Variants in INSR observed in about 807,000 individuals in gnomAD.
The protein encoded by INSR is IR.
Under a neutral mutation model 142.6 loss-of-function variants are expected in INSR, and 67 were observed. The ratio of observed to expected loss-of-function variants is 0.47; its 90% CI spans 0.39 to 0.58. The LOEUF is 0.58. Among genes scored for constraint, INSR ranks in the 20% least tolerant of loss-of-function variants. The pLI is 0.00. For missense variants in INSR, 1,248 were observed against 1,833.2 expected, an observed-to-expected ratio of 0.68 and a Z score of 5.83; for synonymous variants, 756 against 743.1, an observed-to-expected ratio of 1.02 and a Z score of -0.28.
At chr19:7,256,931 C>CTTTTTT (rs772500676) in intron 2 of INSR, among the ~76,000 whole-genome samples, 26 of 109,476 alleles carry the variant, frequency 2.4e-4, no homozygotes, top group Non-Finnish European at 3.2e-4. Context: ...TCTACCCTAC[C>CTTTTTT]TTTTTTTTTT....
intron 2 of INSR, among the ~76,000 whole-genome samples, chr19:7,244,997 A>G (rs1293802373): frequency 7.2e-6 from 1 of 139,774 alleles, no homozygotes; most frequent in African/African-American, 2.7e-5. Flanking sequence ...GTGCAGTGGC[A>G]TGATCTCGGC....
At chr19:7,237,474 G>A (rs1976196743) in intron 2 of INSR, among the ~76,000 whole-genome samples, 1 of 151,846 alleles carries the variant, frequency 6.6e-6, no homozygotes, top group African/African-American at 2.4e-5. Flanking sequence ...CAGAGACCAT[G>A]CCACTGCACT....
At chr19:7,242,043 T>C (rs1193236665) in intron 2 of INSR, among the ~76,000 whole-genome samples, 2 of 151,710 alleles carry the variant, frequency 1.3e-5, no homozygotes, top group Non-Finnish European at 2.9e-5. Context: ...TCCCAGCTGC[T>C]TAGGAGGCTG....
intron 11 of INSR, among the ~76,000 whole-genome samples, chr19:7,144,947 T>C (rs1973154579): frequency 6.6e-6 from 1 of 150,492 alleles, no homozygotes. Context: ...CCTTAATAGT[T>C]TTTTTTTTTC....
At chr19:7,137,450 G>A (rs1205113188) in intron 13 of INSR, among the ~76,000 whole-genome samples, 1 of 151,612 alleles carries the variant, frequency 6.6e-6, no homozygotes, top group Non-Finnish European at 1.5e-5. Flanking sequence ...ACCACCGGTG[G>A]ACAACCAGGG....
At chr19:7,122,812 G>A in intron 18 of INSR, 39 bp from the exon 19 acceptor site, 1 of 1,613,882 alleles carries the variant, frequency 6.2e-7, no homozygotes, top group Admixed American at 1.7e-5. Flanking sequence ...CAGCAGCACT[G>A]GGATCCGAGG....
At chr19:7,236,750 G>A (rs540376960) in intron 2 of INSR, among the ~76,000 whole-genome samples, 4 of 152,280 alleles carry the variant, frequency 2.6e-5, no homozygotes, top group African/African-American at 7.2e-5. Flanking sequence ...TACAAGGCCC[G>A]GCACGGTGGC....
At chr19:7,196,754 A>T (rs1215492204) in intron 2 of INSR, among the ~76,000 whole-genome samples, 1 of 152,194 alleles carries the variant, frequency 6.6e-6, no homozygotes, top group Admixed American at 6.6e-5. Context: ...AAACTTAAAA[A>T]AAAAAAGTTT....
At chr19:7,195,169 A>C (rs1376669196) in intron 2 of INSR, among the ~76,000 whole-genome samples, 1 of 152,214 alleles carries the variant, frequency 6.6e-6, no homozygotes. Context: ...ATTTCTTCTT[A>C]AAAATTCTAG....
intron 2 of INSR, among the ~76,000 whole-genome samples, chr19:7,253,560 G>C (rs1479165595): frequency 6.6e-6 from 1 of 152,094 alleles, no homozygotes; most frequent in Non-Finnish European, 1.5e-5. Flanking sequence ...ATCATGCTAA[G>C]TCCAGTGTGT....
At chr19:7,197,516 G>GTGGGTGTGTGTGTGTGTGTGTGT (rs1568480264) in intron 2 of INSR, among the ~76,000 whole-genome samples, 1 of 70,856 alleles carries the variant, frequency 1.4e-5, no homozygotes, top group Admixed American at 1.5e-4. Flanking sequence ...TGGGAGTGGG[G>GTGGGTGTGTGTGTGTGTGTGTGT]GTGTGTGTGT....
At chr19:7,181,165 C>T (rs564328364) in intron 3 of INSR, among the ~76,000 whole-genome samples, 34 of 152,168 alleles carry the variant, frequency 2.2e-4, no homozygotes, top group African/African-American at 7.2e-4. Context: ...AGGCTGGTCT[C>T]GAACTCCTGA....
chr19:7,189,138 A>ATCCAGGACCCACGGAGT (rs1974510357), intron 2 of INSR, among the ~76,000 whole-genome samples: 1 of 151,542 alleles, frequency 6.6e-6, no homozygotes, highest in African/African-American at 2.4e-5. Flanking sequence ...GACAACAATG[A>ATCCAGGACCCACGGAGT]TCCAGGACCC....
In INSR at chr19:7,155,362, C is replaced by T. The variant is rs138031509; in HGVS notation, c.2030-2435G>A. Among the ~76,000 whole-genome samples, 10 of 151,942 alleles carry T rather than the reference C, an allele frequency of 6.6e-5. 1 individual carries two copies. Among genetic ancestry groups the T allele is most frequent in the Non-Finnish European group, 1.0e-4 (7 of 67,964 alleles). ...CCAGCCTGGCCAACATATAGTGAAACGCTGTCTCTACTAAAAAATCCAAAA... is the reference window on the plus strand; with the variant it reads ...CCAGCCTGGCCAACATATAGTGAAATGCTGTCTCTACTAAAAAATCCAAAA... On this transcript the variant is annotated intron_variant, in intron 9 of 21. Coordinates refer to ENST00000302850, the MANE Select transcript of INSR (RefSeq NM_000208.4).
chr19:7,240,787 G>A (rs139995531), intron 2 of INSR, among the ~76,000 whole-genome samples: 38 of 152,174 alleles, frequency 2.5e-4, no homozygotes, highest in African/African-American at 7.9e-4. Context: ...CTTGTTTCCC[G>A]CACAATATTA....
Position 7,128,812 on chromosome 19 carries a change from C to T in INSR, c.2945+40G>A, listed in dbSNP as rs41339753. The T allele has an allele frequency of 1.8e-3, 2,519 of 1,402,344 alleles. 38 individuals are homozygous for T. In the African/African-American group the frequency reaches 0.028, roughly 16 times the overall value. The allele number at this position is 1,402,344 out of a possible 1,614,324, so 86.9% of individuals were successfully genotyped here. A position where few individuals can be genotyped will look rare whatever the true frequency, so the allele number is the denominator to read the frequency against. ...TCAAGGCATGTTTTCCCCCAGAGAA[C>T]CAACTGTTCCCAGCACACCACTGAA... On this transcript the variant is annotated intron_variant, in intron 15 of 21. Transcript: ENST00000302850.
rs1213149302 is a variant in INSR at position 7,116,990 on chromosome 19, G to C, written c.*66C>G. On this transcript the variant is annotated 3_prime_UTR_variant, in exon 22 of 22. Transcript: ENST00000302850. Reference sequence around the variant, plus strand: ...AGTCGTGAGAATCCTGAGTTTTCCAGAGGCTTTCAAACCAGAGGAAAGCGA... The same window carrying C: ...AGTCGTGAGAATCCTGAGTTTTCCACAGGCTTTCAAACCAGAGGAAAGCGA... 2.5e-6 allele frequency: 3 copies of C among 1,211,930 alleles called. No individual in the cohort carries two copies. Among genetic ancestry groups the C allele is most frequent in the African/African-American group, 3.0e-5 (2 of 66,886 alleles). The allele number at this position is 1,211,930 out of a possible 1,614,324, so 75.1% of individuals were successfully genotyped here. A position where few individuals can be genotyped will look rare whatever the true frequency, so the allele number is the denominator to read the frequency against.
chr19:7,126,771 T>G, intron 15 of INSR, 120 bp from the exon 16 acceptor site: 2 of 908,718 alleles, frequency 2.2e-6, no homozygotes, highest in Non-Finnish European at 3.5e-6. Flanking sequence ...CCCATAATCC[T>G]AGATGCAGTC....
chr19:7,294,315 TGGCGGGCGGGC>T lies in INSR; in HGVS notation c.-435_-425del, dbSNP rs1298121669. On this transcript the variant is annotated 5_prime_UTR_variant, in exon 1 of 22. Coordinates refer to ENST00000302850, the MANE Select transcript of INSR (RefSeq NM_000208.4). Reference sequence around the variant, plus strand: ...GCGGGCGGGCACCTGGGCTGGCGGGTGGCGGGCGGGCGGCGGGAGAGAGGGCTGCTCGGGCC... The same window carrying T: ...GCGGGCGGGCACCTGGGCTGGCGGGTGGCGGGAGAGAGGGCTGCTCGGGCC... Among the ~76,000 whole-genome samples, 1 of 92,884 alleles carries T rather than the reference TGGCGGGCGGGC, an allele frequency of 1.1e-5. No individual in the cohort carries two copies. Among genetic ancestry groups the T allele is most frequent in the Non-Finnish European group, 2.2e-5 (1 of 45,082 alleles). The allele number at this position is 92,884 out of a possible 152,430, so 60.9% of individuals were successfully genotyped here. A position where few individuals can be genotyped will look rare whatever the true frequency, so the allele number is the denominator to read the frequency against.
Sources: gnomAD v4.1 joint callset for allele counts (sites outside exome capture counted in the v4.1 genomes callset) on GRCh38, gnomAD v4.1.1 for gene constraint, MANE v1.5 for transcripts, NCBI Gene and HGNC (gene_info 2026-07-23, HGNC 2026-07-21) for gene names.